The following EPHB1 variants were observed in gnomAD, a reference collection of about 807,000 sequenced individuals.
EPHB1 encodes EPH receptor B1.
A neutral mutation model predicts 94.4 loss-of-function variants in EPHB1; 30 were observed. The ratio of observed to expected loss-of-function variants is 0.32; its 90% confidence interval spans 0.24 to 0.43. The LOEUF (loss-of-function observed/expected upper bound fraction) is 0.43, where lower values mean the gene tolerates loss of function less well. Ranked by LOEUF, EPHB1 falls within the 20% of genes least tolerant of loss-of-function variation. The pLI, the probability that EPHB1 is intolerant of heterozygous loss-of-function variation, is 1.00. For missense variants in EPHB1, 1,055 were observed against 1,308.3 expected (o/e 0.81, Z 2.99); for synonymous variants, 522 against 489.1 (o/e 1.07, Z -0.89).
chr3:135,056,312 A>ATCATCTCTCCGTCAGGCTGCG (rs1937346621), intron 3 of EPHB1, among the ~76,000 whole-genome samples: 1 of 152,174 alleles, frequency 6.6e-6, no homozygotes, highest in Non-Finnish European at 1.5e-5. Flanking sequence ...GCCAGGCCGC[A>ATCATCTCTCCGTCAGGCTGCG]TCATCTCTCC....
intron 1 of EPHB1, among the ~76,000 whole-genome samples, chr3:134,832,553 C>T (rs1476802959): frequency 6.6e-6 from 1 of 152,176 alleles, no homozygotes; most frequent in African/African-American, 2.4e-5. Context: ...ACAAACTGTA[C>T]CATTATTATG....
rs988143940 is a variant in EPHB1 at position 135,255,103 on chromosome 3, CTCT to C, written c.2847-3907_2847-3905del. Among the ~76,000 whole-genome samples, 16 of 150,586 alleles carry C rather than the reference CTCT, an allele frequency of 1.1e-4. No homozygotes were observed. In the South Asian group the frequency reaches 2.1e-3, roughly 20 times the overall value. On this transcript the variant is annotated intron_variant, in intron 15 of 15. Transcript: ENST00000398015. ...TTTATTGTGTCTATTTGATTCCTCTCTCTTTTTTTATTAGTCTTGCTAGCGGTC... is the reference window on the plus strand; with the variant it reads ...TTTATTGTGTCTATTTGATTCCTCTCTTTTTTATTAGTCTTGCTAGCGGTC...
At chr3:135,039,590 G>C (rs1936765163) in intron 3 of EPHB1, among the ~76,000 whole-genome samples, 1 of 152,256 alleles carries the variant, frequency 6.6e-6, no homozygotes. Flanking sequence ...AGGCAGCTAA[G>C]GCCCGGCGAG....
At chr3:135,145,795 C>G (rs769605173) in intron 5 of EPHB1, among the ~76,000 whole-genome samples, 2 of 152,126 alleles carry the variant, frequency 1.3e-5, no homozygotes, top group Middle Eastern at 3.2e-3. Context: ...GCAGTCTCAA[C>G]CCTGCTGACT....
At chr3:135,029,394 C>T (rs895942688) in intron 3 of EPHB1, among the ~76,000 whole-genome samples, 4 of 150,694 alleles carry the variant, frequency 2.7e-5, no homozygotes, top group African/African-American at 9.7e-5. Context: ...GCGCTTCCTT[C>T]AGAAGCTCTT....
At chr3:135,229,342 T>C (rs546587640) in intron 12 of EPHB1, among the ~76,000 whole-genome samples, 4 of 152,344 alleles carry the variant, frequency 2.6e-5, no homozygotes, top group Admixed American at 2.0e-4. Context: ...CTGCTGGGAT[T>C]GTTTGCGGGA....
intron 3 of EPHB1, among the ~76,000 whole-genome samples, chr3:135,036,838 C>T (rs1936662426): frequency 6.6e-6 from 1 of 152,126 alleles, no homozygotes; most frequent in Non-Finnish European, 1.5e-5. Flanking sequence ...ACTGATGTGA[C>T]TGGGTTTCAG....
At chr3:134,972,292 G>C (rs541426101) in intron 3 of EPHB1, among the ~76,000 whole-genome samples, 3 of 150,984 alleles carry the variant, frequency 2.0e-5, no homozygotes, top group Non-Finnish European at 2.9e-5. Context: ...ACTGTACAGA[G>C]AGCATCTGGA....
At chr3:134,820,119 A>G (rs2036352450) in intron 1 of EPHB1, among the ~76,000 whole-genome samples, 1 of 151,302 alleles carries the variant, frequency 6.6e-6, no homozygotes, top group South Asian at 2.1e-4. Context: ...AAATGCTGAC[A>G]GAGGAAAAGG....
intron 9 of EPHB1, among the ~76,000 whole-genome samples, chr3:135,176,225 C>T (rs1267002501): frequency 6.6e-6 from 1 of 152,162 alleles, no homozygotes; most frequent in Non-Finnish European, 1.5e-5. Flanking sequence ...CACAGAGGAG[C>T]AACACCAAGG....
chr3:134,978,860 G>A (rs934130658), intron 3 of EPHB1, among the ~76,000 whole-genome samples: 8 of 152,196 alleles, frequency 5.3e-5, no homozygotes, highest in Non-Finnish European at 1.2e-4. Context: ...GAATGAATAA[G>A]AGAGCATTGT....
intron 1 of EPHB1, among the ~76,000 whole-genome samples, chr3:134,900,788 G>T (rs1455171792): frequency 6.6e-6 from 1 of 152,208 alleles, no homozygotes; most frequent in South Asian, 2.1e-4. Context: ...GTGTGCATTT[G>T]TGTGTTGGTA....
At chr3:134,836,611 C>A (rs551113624) in intron 1 of EPHB1, among the ~76,000 whole-genome samples, 1 of 152,258 alleles carries the variant, frequency 6.6e-6, no homozygotes, top group South Asian at 2.1e-4. Flanking sequence ...TGGTTAAAAT[C>A]ACATATTCAT....
intron 1 of EPHB1, among the ~76,000 whole-genome samples, chr3:134,909,109 T>TGGGCG (rs574576286): frequency 0.037 from 3,018 of 81,402 alleles, 38 homozygotes; most frequent in Admixed American, 0.051. Flanking sequence ...ACACACAAGG[T>TGGGCG]GGGGGCGGGG....
At chr3:134,973,523 C>G (rs893049566) in intron 3 of EPHB1, among the ~76,000 whole-genome samples, 2 of 150,786 alleles carry the variant, frequency 1.3e-5, no homozygotes, top group African/African-American at 4.9e-5. Context: ...CCTCCACCTC[C>G]TGGGTTCAAG....
chr3:134,862,557 A>G (rs942334314), intron 1 of EPHB1, among the ~76,000 whole-genome samples: 31 of 152,174 alleles, frequency 2.0e-4, no homozygotes, highest in African/African-American at 7.0e-4. Context: ...TAATTAAATC[A>G]AAACACTAAT....
At chr3:135,119,121 G>A (rs1576401654) in intron 4 of EPHB1, among the ~76,000 whole-genome samples, 1 of 152,116 alleles carries the variant, frequency 6.6e-6, no homozygotes, top group Non-Finnish European at 1.5e-5. Context: ...GATTATAAAT[G>A]AGTGTGTATT....
Position 134,884,548 on chromosome 3 carries a change from A to G in EPHB1, c.59-41268A>G, listed in dbSNP as rs1482979235. Among the ~76,000 whole-genome samples, 7 of 152,330 alleles carry G rather than the reference A, an allele frequency of 4.6e-5. No homozygotes were observed. In the East Asian group the frequency reaches 1.3e-3, roughly 29 times the overall value. ...ATATGGTGGCTTATAATTAGTTGGG[A>G]TTCAAAGACTTAATGAGCATCAGAC... is the stretch of plus-strand genomic sequence containing the variant. On this transcript the variant is annotated intron_variant, in intron 1 of 15. Transcript: ENST00000398015.
At chr3:135,200,515 G>T (rs1469765974) in intron 11 of EPHB1, among the ~76,000 whole-genome samples, 3 of 152,178 alleles carry the variant, frequency 2.0e-5, no homozygotes, top group Admixed American at 1.3e-4. Context: ...ACCCAGAGAA[G>T]GTGCTTTACA....
Sources: gnomAD v4.1 joint callset for allele counts (sites outside exome capture counted in the v4.1 genomes callset) on GRCh38, gnomAD v4.1.1 for gene constraint, MANE v1.5 for transcripts, NCBI Gene and HGNC (gene_info 2026-07-23, HGNC 2026-07-21) for gene names.